The following COMMD1 variants were observed in gnomAD, a reference collection of about 807,000 sequenced individuals.
COMMD1 encodes the protein COMM domain-containing protein 1.
A neutral mutation model predicts 17.2 loss-of-function variants in COMMD1; 10 were observed. The ratio of observed to expected loss-of-function variants is 0.58; its 90% CI spans 0.36 to 0.99. COMMD1 has a LOEUF of 0.99. COMMD1 is among the 50% of genes least tolerant of loss of function. COMMD1 has a pLI of 0.01. For missense variants in COMMD1, 270 were observed against 231.8 expected (o/e 1.17, Z -1.07); for synonymous variants, 97 against 91.6 (o/e 1.06, Z -0.34).
intron 2 of COMMD1, among the ~76,000 whole-genome samples, chr2:62,130,048 G>A (rs1233771626): frequency 6.6e-6 from 1 of 151,832 alleles, no homozygotes. Context: ...GGTGGTGGGT[G>A]CCTGTAGTCC....
chr2:61,981,226 C>A (rs1671945119), intron 1 of COMMD1, among the ~76,000 whole-genome samples: 1 of 152,124 alleles, frequency 6.6e-6, no homozygotes, highest in East Asian at 1.9e-4. Context: ...GAATCTTTGC[C>A]CAGTCCAATG....
chr2:62,016,263 C>T (rs1400547802), intron 2 of COMMD1, among the ~76,000 whole-genome samples: 3 of 133,454 alleles, frequency 2.2e-5, no homozygotes, highest in African/African-American at 8.7e-5. Flanking sequence ...AGCTGGAGTG[C>T]AGTGGCACAA....
chr2:62,018,549 G>A (rs1318620684), intron 2 of COMMD1, among the ~76,000 whole-genome samples: 1 of 152,074 alleles, frequency 6.6e-6, no homozygotes, highest in Non-Finnish European at 1.5e-5. Flanking sequence ...AGTTTTTAAT[G>A]AGCATTATGG....
chr2:62,042,474 A>G (rs966506817), intron 2 of COMMD1, among the ~76,000 whole-genome samples: 1 of 152,190 alleles, frequency 6.6e-6, no homozygotes, highest in Non-Finnish European at 1.5e-5. Context: ...CCGGCAACCC[A>G]GAAGGAGCTT....
At chr2:61,911,987 A>ACC (rs1434771969) in intron 1 of COMMD1, among the ~76,000 whole-genome samples, 2 of 152,132 alleles carry the variant, frequency 1.3e-5, no homozygotes, top group African/African-American at 2.4e-5. Flanking sequence ...TTCATTCTCT[A>ACC]CCTGAACGTC....
intron 2 of COMMD1, among the ~76,000 whole-genome samples, chr2:62,109,809 G>A (rs1252614588): frequency 4.0e-5 from 6 of 151,806 alleles, no homozygotes; most frequent in African/African-American, 1.5e-4. Context: ...AACTGGGTCA[G>A]CCTCTATCTG....
At chr2:61,894,040 C>G (rs1233444981) in intron 1 of COMMD1, among the ~76,000 whole-genome samples, 1 of 152,122 alleles carries the variant, frequency 6.6e-6, no homozygotes, top group Non-Finnish European at 1.5e-5. Flanking sequence ...CCATTGAACT[C>G]TAGTCTGGGC....
chr2:62,075,525 A>G (rs17018666), intron 2 of COMMD1, among the ~76,000 whole-genome samples: 7,211 of 152,290 alleles, frequency 0.047, 573 homozygotes, highest in African/African-American at 0.16. Context: ...TGCTGTCTCA[A>G]TTATCTCTGG....
intron 1 of COMMD1, among the ~76,000 whole-genome samples, chr2:61,912,747 A>G (rs1440382463): frequency 6.6e-6 from 1 of 152,196 alleles, no homozygotes; most frequent in Non-Finnish European, 1.5e-5. Context: ...AAAAAAAAAA[A>G]AACAGTTTTA....
chr2:62,064,382 C>T (rs542635667), intron 2 of COMMD1, among the ~76,000 whole-genome samples: 11 of 152,092 alleles, frequency 7.2e-5, no homozygotes, highest in Non-Finnish European at 1.6e-4. Context: ...CCATTTTGGC[C>T]AGGCTGGTCT....
chr2:61,888,885 G>T, intron 1 of COMMD1: 1 of 207,042 alleles, frequency 4.8e-6, no homozygotes. Flanking sequence ...GCACGGCTAT[G>T]AGGTCCCCTC....
At chr2:62,062,989 C>T (rs930380391) in intron 2 of COMMD1, among the ~76,000 whole-genome samples, 3 of 151,872 alleles carry the variant, frequency 2.0e-5, no homozygotes, top group Admixed American at 6.6e-5. Context: ...GAGGCCGAGG[C>T]GGGTGGATAA....
intron 2 of COMMD1, among the ~76,000 whole-genome samples, chr2:62,052,805 T>G (rs1259610609): frequency 6.6e-6 from 1 of 152,194 alleles, no homozygotes; most frequent in Admixed American, 6.5e-5. Context: ...CTGGATGTGG[T>G]GGCTCACGCC....
chr2:61,983,983 C>G (rs1672030825), intron 1 of COMMD1, among the ~76,000 whole-genome samples: 1 of 152,108 alleles, frequency 6.6e-6, no homozygotes, highest in African/African-American at 2.4e-5. Context: ...TAAACTTCTT[C>G]CTTAGTACTG....
intron 1 of COMMD1, among the ~76,000 whole-genome samples, chr2:61,893,892 G>A (rs1162272688): frequency 6.6e-6 from 1 of 151,938 alleles, no homozygotes; most frequent in African/African-American, 2.4e-5. Flanking sequence ...AGGATGTGGT[G>A]GGGCACAATA....
chr2:62,067,646 A>C (rs1203651075), intron 2 of COMMD1, among the ~76,000 whole-genome samples: 2 of 152,224 alleles, frequency 1.3e-5, no homozygotes, highest in African/African-American at 2.4e-5. Flanking sequence ...ACAGTTATTT[A>C]GAAGTATGAT....
In COMMD1 at chr2:62,048,450, A is replaced by G. The variant is rs146139890; in HGVS notation, c.462+47468A>G. Among the ~76,000 whole-genome samples the G allele has an allele frequency of 8.0e-3, 1,222 of 152,052 alleles. 22 individuals carry two copies. Among genetic ancestry groups the G allele is most frequent in the African/African-American group, 0.029 (1,185 of 41,470 alleles). ...TGATCCGCCCGCCTCGCCCTCCCAA[A>G]GTGCTGGGATTACAGGCATGAGCCA... is the stretch of plus-strand genomic sequence containing the variant. On this transcript the variant is annotated intron_variant, in intron 2 of 2. Coordinates refer to ENST00000311832, the MANE Select transcript of COMMD1 (RefSeq NM_152516.4).
At position 62,018,421 on chromosome 2, in the gene COMMD1, G is replaced by T. The variant is rs552266757; in HGVS notation, c.462+17439G>T. The stretch of plus-strand genomic sequence containing the variant: ...TCCAGATTTTATTTCTATTTCAGCA[G>T]TTTTTCCATTAATATTCCCTTTCTG... On this transcript the variant is annotated intron_variant, in intron 2 of 2. Coordinates refer to ENST00000311832, the MANE Select transcript of COMMD1 (RefSeq NM_152516.4). Among the ~76,000 whole-genome samples, 51 of 152,274 alleles carry T rather than the reference G, an allele frequency of 3.3e-4. 1 individual carries two copies. In the Middle Eastern group the frequency reaches 0.01, roughly 30 times the overall value.
rs1176457101 is a variant in COMMD1, at chr2:62,064,915, C to G, written c.462+63933C>G. Among the ~76,000 whole-genome samples the G allele has an allele frequency of 3.3e-5, 5 of 152,288 alleles. No homozygotes were observed. The East Asian group carries it at 9.6e-4, about 29-fold the overall frequency. On this transcript the variant is annotated intron_variant, in intron 2 of 2. Transcript: ENST00000311832. ...GGTGCAGTAGCTCATGCCTGTAATT[C>G]CAGCATTTTTGGAGGCCGAGGCAGA...
Sources: allele counts gnomAD v4.1 joint callset (sites outside exome capture counted in the v4.1 genomes callset), GRCh38; gene constraint gnomAD v4.1.1; transcripts MANE v1.5; gene names NCBI Gene and HGNC (gene_info 2026-07-23, HGNC 2026-07-21).